Variants in NIBAN2 observed in about 807,000 individuals in gnomAD.
NIBAN2 encodes the protein protein Niban 2.
Under a neutral mutation model 81.8 loss-of-function variants are expected in NIBAN2, and 36 were observed. That is an observed-to-expected ratio of 0.44 (90% CI 0.34 to 0.58). NIBAN2 has a LOEUF of 0.58. Ranked by LOEUF, NIBAN2 falls within the 20% of genes least tolerant of loss-of-function variation. NIBAN2 has a pLI of 0.02. For missense variants in NIBAN2, 897 were observed against 1,014.1 expected, an observed-to-expected ratio of 0.88 and a Z score of 1.57; for synonymous variants, 445 against 441.6, an observed-to-expected ratio of 1.01 and a Z score of -0.10.
intron 1 of NIBAN2, among the ~76,000 whole-genome samples, chr9:127,565,120 C>G (rs1478115762): frequency 6.6e-6 from 1 of 152,054 alleles, no homozygotes; most frequent in African/African-American, 2.4e-5. Context: ...ACGACAATGC[C>G]CGGCTAATTT....
Position 127,517,749 on chromosome 9 carries a change from G to C in NIBAN2, c.705+77C>G. ...GGCAGCGCCCCAGAGCCCCATCTCTGTACCCCACCCCCTGCCCTCCCCTGC... is the reference window on the plus strand; with the variant it reads ...GGCAGCGCCCCAGAGCCCCATCTCTCTACCCCACCCCCTGCCCTCCCCTGC... On this transcript the variant is annotated intron_variant, in intron 6 of 13. Coordinates refer to ENST00000373312, the MANE Select transcript of NIBAN2 (RefSeq NM_022833.4). The surrounding 1 kb of genome is among the most constrained non-coding windows in gnomAD (Gnocchi z 4.0). The C allele has an allele frequency of 9.1e-7, 1 of 1,096,320 alleles. No individual in the cohort carries two copies. The highest frequency in any genetic ancestry group is 1.4e-6 in the Non-Finnish European group (1 of 731,414). 67.9% of individuals were successfully genotyped at this position (1,096,320 alleles called of 1,614,324 possible).
chr9:127,540,772 C>T (rs931484679), intron 1 of NIBAN2, among the ~76,000 whole-genome samples: 5 of 152,268 alleles, frequency 3.3e-5, no homozygotes, highest in African/African-American at 9.6e-5. Flanking sequence ...GGGGGCTGCA[C>T]GCCGGCGCCA....
At position 127,507,121 on chromosome 9, in the gene NIBAN2, G is replaced by A. The variant is rs1329263954; in HGVS notation, c.1965C>T (p.Gly655=). The A allele has an allele frequency of 2.5e-6, 4 of 1,592,472 alleles. No individual in the cohort carries two copies. In the Admixed American group the frequency reaches 7.1e-5, roughly 28 times the overall value. ...CAGGCCGCAGACCTTGGGCCAGCAG[G>A]CCTCGGATCTCAGTGACACCGTCCG... ...ASPDGVTEIR[G]LLAQGLRPES... Residue 655 remains glycine (G), a synonymous_variant, in exon 14 of 14, where the codon GGC becomes GGT. Transcript: ENST00000373312. This position sits in a 1 kb window ranked among gnomAD's most constrained non-coding sequence, Gnocchi z 6.8.
rs7850201 is a variant in NIBAN2, at chr9:127,514,129, C to T, written c.973+2728G>A. On this transcript the variant is annotated intron_variant, in intron 8 of 13. Transcript: ENST00000373312. ...ACTAAAAATACAAAAATTAGCCGGGCGTGGTGGTATGTGCCTGTAATCCCA... is the reference window on the plus strand; with the variant it reads ...ACTAAAAATACAAAAATTAGCCGGGTGTGGTGGTATGTGCCTGTAATCCCA... Among the ~76,000 whole-genome samples the T allele has an allele frequency of 5.7e-3, 872 of 151,954 alleles. 6 individuals carry two copies. Among genetic ancestry groups the T allele is most frequent in the African/African-American group, 0.019 (799 of 41,460 alleles).
upstream of NIBAN2, among the ~76,000 whole-genome samples, chr9:127,569,590 T>A (rs1837922319): frequency 6.6e-6 from 1 of 151,216 alleles, no homozygotes; most frequent in South Asian, 2.1e-4. Flanking sequence ...GAATTCGGCG[T>A]TCGCCCCCTC....
intron 1 of NIBAN2, among the ~76,000 whole-genome samples, chr9:127,547,576 G>A (rs950546090): frequency 9.3e-5 from 14 of 151,158 alleles, no homozygotes; most frequent in African/African-American, 3.4e-4. Context: ...GGTGGCTCAC[G>A]CCTGTAATCC....
upstream of NIBAN2, among the ~76,000 whole-genome samples, chr9:127,571,231 C>A (rs116066692): frequency 1.8e-4 from 13 of 74,270 alleles, no homozygotes; most frequent in African/African-American, 1.1e-3. Context: ...GGCCCAGGGA[C>A]GGGTTCCTCC....
intron 1 of NIBAN2, among the ~76,000 whole-genome samples, chr9:127,562,602 T>G (rs751336685): frequency 5.9e-5 from 9 of 152,158 alleles, no homozygotes; most frequent in Admixed American, 2.0e-4. Context: ...TCAAGCCCAC[T>G]AGCCCCGAAC....
At chr9:127,568,135 G>A (rs761931171) in intron 1 of NIBAN2, among the ~76,000 whole-genome samples, 20 of 152,238 alleles carry the variant, frequency 1.3e-4, no homozygotes, top group Non-Finnish European at 2.6e-4. Context: ...AGTAGGGTTG[G>A]CTGAAGAACA....
rs1588170022 is a variant in NIBAN2, at chr9:127,536,478, C to T, written c.56-4700G>A. ...CTTGCTCCCTGCAGTGGCTCTCCCC[C>T]GGCATTGTTGCTTCAGGATTTTACA... is the stretch of plus-strand genomic sequence containing the variant. On this transcript the variant is annotated intron_variant, in intron 1 of 13. Coordinates refer to ENST00000373312, the MANE Select transcript of NIBAN2 (RefSeq NM_022833.4). The surrounding 1 kb of genome is among the most constrained non-coding windows in gnomAD (Gnocchi z 4.0). 1.3e-5 allele frequency among the ~76,000 whole-genome samples: 2 copies of T among 152,232 alleles called. No individual in the cohort carries two copies. Among genetic ancestry groups the T allele is most frequent in the African/African-American group, 2.4e-5 (1 of 41,460 alleles).
At chr9:127,541,638 G>C (rs984950582) in intron 1 of NIBAN2, among the ~76,000 whole-genome samples, 1 of 152,124 alleles carries the variant, frequency 6.6e-6, no homozygotes, top group African/African-American at 2.4e-5. Flanking sequence ...CAAGTAGCAG[G>C]AGGGGGACCA....
chr9:127,565,341 C>T (rs1047516299), intron 1 of NIBAN2, among the ~76,000 whole-genome samples: 7 of 152,082 alleles, frequency 4.6e-5, no homozygotes, highest in African/African-American at 1.2e-4. Context: ...GAAACAGGAG[C>T]GACTACTAAG....
In NIBAN2 at chr9:127,508,410, G is replaced by A. The variant is rs1180926352; in HGVS notation, c.1434+12C>T. On this transcript the variant is annotated intron_variant, in intron 11 of 13. Transcript: ENST00000373312. The surrounding 1 kb of genome is among the most constrained non-coding windows in gnomAD (Gnocchi z 6.4). Reference sequence around the variant, plus strand: ...CCTAGGACGGTCCGGGGCAGGGCGTGGGGCCGCTCACCTTCAGCACCCGCT... The same window carrying A: ...CCTAGGACGGTCCGGGGCAGGGCGTAGGGCCGCTCACCTTCAGCACCCGCT... 1.9e-6 allele frequency: 3 copies of A among 1,599,444 alleles called. No individual in the cohort carries two copies. Among genetic ancestry groups the A allele is most frequent in the Non-Finnish European group, 2.6e-6 (3 of 1,172,666 alleles).
intron 1 of NIBAN2, among the ~76,000 whole-genome samples, chr9:127,540,886 C>A (rs1837365804): frequency 6.6e-6 from 1 of 152,242 alleles, no homozygotes; most frequent in Non-Finnish European, 1.5e-5. Flanking sequence ...GAGGCCCAGC[C>A]CGGTTTCAGG....
At chr9:127,555,965 C>A (rs1837661543) in intron 1 of NIBAN2, among the ~76,000 whole-genome samples, 1 of 152,022 alleles carries the variant, frequency 6.6e-6, no homozygotes, top group Admixed American at 6.5e-5. Context: ...TGGGTGCCCA[C>A]CCCAAGCCTG....
At chr9:127,555,599 C>T (rs1045190355) in intron 1 of NIBAN2, among the ~76,000 whole-genome samples, 1 of 152,188 alleles carries the variant, frequency 6.6e-6, no homozygotes, top group Non-Finnish European at 1.5e-5. Flanking sequence ...GTCACGTGAA[C>T]AGCACACCTC....
intron 1 of NIBAN2, among the ~76,000 whole-genome samples, chr9:127,564,378 T>C (rs1490702259): frequency 6.6e-6 from 1 of 150,730 alleles, no homozygotes; most frequent in Non-Finnish European, 1.5e-5. Context: ...TACCAGCAGG[T>C]TCAAGCAGCA....
chr9:127,516,407 T>C (rs1380541701), intron 8 of NIBAN2, among the ~76,000 whole-genome samples: 1 of 151,910 alleles, frequency 6.6e-6, no homozygotes, highest in African/African-American at 2.4e-5. Flanking sequence ...TAGCCGGGCA[T>C]GGTGGCGCGC....
chr9:127,531,856 G>A, intron 1 of NIBAN2, 78 bp from the exon 2 acceptor site: 1 of 1,578,252 alleles, frequency 6.3e-7, no homozygotes, highest in Non-Finnish European at 8.6e-7. Context: ...AGGCAGGAGT[G>A]GCTGCAAAGC....
Sources: gnomAD v4.1 joint callset for allele counts (sites outside exome capture counted in the v4.1 genomes callset) on GRCh38, gnomAD v4.1.1 for gene constraint, Gnocchi (gnomAD v3.1) non-coding constraint, MANE v1.5 for transcripts, NCBI Gene and HGNC (gene_info 2026-07-23, HGNC 2026-07-21) for gene names.